WWOX: variants seen among roughly 807,000 people sequenced by gnomAD.
WWOX encodes WW domain containing oxidoreductase, also known as WW domain-containing oxidoreductase.
A neutral mutation model predicts 46.2 loss-of-function variants in WWOX; 69 were observed. The observed-to-expected ratio is 1.49, with a 90% CI of 1.23 to 1.82. The LOEUF (loss-of-function observed/expected upper bound fraction) is 1.82, where lower values mean the gene tolerates loss of function less well. Ranked by LOEUF, WWOX falls within the 40% of genes most tolerant of loss-of-function variation. The pLI, the probability that WWOX is intolerant of heterozygous loss-of-function variation, is 0.00. For synonymous variants in WWOX, 359 were observed against 202.6 expected, an observed-to-expected ratio of 1.77 and a Z score of -6.56; for missense variants, 919 against 542.6, an observed-to-expected ratio of 1.69 and a Z score of -6.89.
At chr16:78,584,073 TAA>T (rs2045132303) in intron 8 of WWOX, among the ~76,000 whole-genome samples, 1 of 152,228 alleles carries the variant, frequency 6.6e-6, no homozygotes, top group Non-Finnish European at 1.5e-5. Flanking sequence ...TGTGTAATTA[TAA>T]AGTTATTTGT....
chr16:78,780,267 C>G (rs1458401734), intron 8 of WWOX: 1 of 152,128 alleles, frequency 6.6e-6, no homozygotes, highest in Non-Finnish European at 1.5e-5. Context: ...GAGGGAGATC[C>G]ATAAAGTTCT....
chr16:78,132,064 G>A lies in WWOX; in HGVS notation c.409+16910G>A, dbSNP rs371119550. Among the ~76,000 whole-genome samples the A allele has an allele frequency of 1.1e-3, 144 of 134,606 alleles. 3 individuals are homozygous for A. In the South Asian group the frequency reaches 0.032, roughly 30 times the overall value. The allele number at this position is 134,606 out of a possible 152,430, so 88.3% of individuals were successfully genotyped here. A position where few individuals can be genotyped will look rare whatever the true frequency, so the allele number is the denominator to read the frequency against. ...TTTTGAGACAGAGTCTCACTCTGTC[G>A]CCCAGGCTGGAGTGCAGTGGTGCTA... On this transcript the variant is annotated intron_variant, in intron 4 of 8. Coordinates refer to ENST00000566780, the MANE Select transcript of WWOX (RefSeq NM_016373.4).
intron 4 of WWOX, among the ~76,000 whole-genome samples, chr16:78,138,610 A>C (rs1000150368): frequency 5.3e-5 from 8 of 152,240 alleles, no homozygotes; most frequent in African/African-American, 1.9e-4. Context: ...CTTTTGAAAG[A>C]AGATTTTTTA....
At chr16:78,331,059 G>C (rs542035812) in intron 5 of WWOX, among the ~76,000 whole-genome samples, 1 of 152,154 alleles carries the variant, frequency 6.6e-6, no homozygotes, top group East Asian at 1.9e-4. Flanking sequence ...AAGATAATTT[G>C]TTTCTGCCCC....
chr16:78,573,272 C>A (rs986277397), intron 8 of WWOX, among the ~76,000 whole-genome samples: 1 of 152,150 alleles, frequency 6.6e-6, no homozygotes, highest in Non-Finnish European at 1.5e-5. Context: ...GGCAACACAG[C>A]GTGACTCCAT....
chr16:79,047,984 A>G (rs1001694932), intron 8 of WWOX, among the ~76,000 whole-genome samples: 2 of 152,028 alleles, frequency 1.3e-5, no homozygotes, highest in African/African-American at 2.4e-5. Flanking sequence ...AATTCACTAT[A>G]TCCTCTCCTG....
chr16:78,694,611 A>G (rs1597455343), intron 8 of WWOX, among the ~76,000 whole-genome samples: 1 of 152,210 alleles, frequency 6.6e-6, no homozygotes, highest in Non-Finnish European at 1.5e-5. Flanking sequence ...ATTTATTCAC[A>G]TTAACCAGCA....
intron 5 of WWOX, among the ~76,000 whole-genome samples, chr16:78,265,289 C>T (rs2079339426): frequency 6.6e-6 from 1 of 152,072 alleles, no homozygotes; most frequent in Non-Finnish European, 1.5e-5. Flanking sequence ...GCCACCTCAC[C>T]CAGCCAAGAA....
rs1319425757 is a variant in WWOX at position 78,227,266 on chromosome 16, A to G, written c.516+62977A>G. 1.3e-5 allele frequency among the ~76,000 whole-genome samples: 2 copies of G among 152,232 alleles called. 1 individual carries two copies. Among genetic ancestry groups the G allele is most frequent in the Non-Finnish European group, 2.9e-5 (2 of 68,048 alleles). On this transcript the variant is annotated intron_variant, in intron 5 of 8. Coordinates refer to ENST00000566780, the MANE Select transcript of WWOX (RefSeq NM_016373.4). ...TTAAGGAATTCGTAGTTGAATAAGA[A>G]TGACTTTTCACATAAATTTAATGGA... is the stretch of plus-strand genomic sequence containing the variant.
chr16:78,646,267 G>A lies in WWOX; in HGVS notation c.1056+213515G>A, dbSNP rs1030114080. Among the ~76,000 whole-genome samples, 2 of 152,016 alleles carry A rather than the reference G, an allele frequency of 1.3e-5. 1 individual carries two copies. Among genetic ancestry groups the A allele is most frequent in the East Asian group, 3.9e-4 (2 of 5,144 alleles). ...ACTCCTGGGCTCCATCAATCCTCTT[G>A]CTTCCCAAAGTGCTGGGATTATAGG... On this transcript the variant is annotated intron_variant, in intron 8 of 8. Coordinates refer to ENST00000566780, the MANE Select transcript of WWOX (RefSeq NM_016373.4).
At chr16:79,203,189 C>T (rs561323177) in intron 8 of WWOX, 3 of 152,298 alleles carry the variant, frequency 2.0e-5, no homozygotes, top group South Asian at 2.1e-4. Context: ...TGTGTAAAGG[C>T]AGTGCCTAAG....
chr16:78,967,604 A>G (rs2046387616), intron 8 of WWOX, among the ~76,000 whole-genome samples: 2 of 150,076 alleles, frequency 1.3e-5, no homozygotes, highest in Admixed American at 1.3e-4. Context: ...TATGCCCAAT[A>G]CCCCCTATGT....
At position 78,782,074 on chromosome 16, in the gene WWOX, G is replaced by A. The variant is rs572979922; in HGVS notation, c.1056+349322G>A. Among the ~76,000 whole-genome samples the A allele has an allele frequency of 5.3e-5, 8 of 152,182 alleles. No homozygotes were observed. The South Asian group carries it at 1.5e-3, about 28-fold the overall frequency. On this transcript the variant is annotated intron_variant, in intron 8 of 8. Transcript: ENST00000566780. ...CTTTGGAAGGGTAGGTGGCGGCTGC[G>A]GGGAGAAATAGATGAAGCTGTTACA...
intron 8 of WWOX, among the ~76,000 whole-genome samples, chr16:78,582,988 C>T (rs898246750): frequency 3.9e-5 from 6 of 152,142 alleles, no homozygotes; most frequent in South Asian, 2.1e-4. Flanking sequence ...GTCAAATGCG[C>T]GTTTAATCTT....
At chr16:78,251,223 T>C (rs1231062136) in intron 5 of WWOX, among the ~76,000 whole-genome samples, 1 of 152,198 alleles carries the variant, frequency 6.6e-6, no homozygotes, top group Non-Finnish European at 1.5e-5. Context: ...AGCCTACTTT[T>C]GTTTTTTACC....
At chr16:78,682,915 A>C (rs1172735053) in intron 8 of WWOX, among the ~76,000 whole-genome samples, 1 of 152,138 alleles carries the variant, frequency 6.6e-6, no homozygotes. Flanking sequence ...TACTTTCGTG[A>C]CTAAACATCA....
intron 8 of WWOX, among the ~76,000 whole-genome samples, chr16:78,709,574 T>G (rs2048395492): frequency 6.6e-6 from 1 of 152,152 alleles, no homozygotes; most frequent in African/African-American, 2.4e-5. Context: ...CTGTCTGCAC[T>G]GCCCTGCTAA....
chr16:78,436,701 A>C (rs2083342621), intron 8 of WWOX, among the ~76,000 whole-genome samples: 1 of 152,148 alleles, frequency 6.6e-6, no homozygotes, highest in South Asian at 2.1e-4. Context: ...TTTCTTTCAT[A>C]AACATTTAGG....
At chr16:79,035,573 C>G (rs890027996) in intron 8 of WWOX, among the ~76,000 whole-genome samples, 9 of 152,190 alleles carry the variant, frequency 5.9e-5, no homozygotes, top group Non-Finnish European at 1.2e-4. Context: ...GAGTCTCACT[C>G]TATCATCCAG....
Sources: gnomAD v4.1 joint callset for allele counts (sites outside exome capture counted in the v4.1 genomes callset) on GRCh38, gnomAD v4.1.1 for gene constraint, MANE v1.5 for transcripts, NCBI Gene and HGNC (gene_info 2026-07-23, HGNC 2026-07-21) for gene names.